The following RAD52 variants were observed in gnomAD, a reference collection of about 807,000 sequenced individuals.
The protein encoded by RAD52 is DNA repair protein RAD52 homolog.
Under a neutral mutation model 55.5 loss-of-function variants are expected in RAD52, and 47 were observed. The ratio of observed to expected loss-of-function variants is 0.85; its 90% CI spans 0.67 to 1.08. The LOEUF (loss-of-function observed/expected upper bound fraction) is 1.08, where lower values mean the gene tolerates loss of function less well. Among genes scored for constraint, RAD52 ranks in the 50% least tolerant of loss-of-function variants. The probability of loss-of-function intolerance (pLI) is 0.00; values close to 1 mark genes in which losing one functional copy is unlikely to be tolerated. For missense variants in RAD52, 468 were observed against 522.8 expected (o/e 0.90, Z 1.02); for synonymous variants, 184 against 198.9 (o/e 0.92, Z 0.63).
intron 1 of RAD52, among the ~76,000 whole-genome samples, chr12:971,456 A>G (rs968492824): frequency 6.6e-6 from 1 of 152,198 alleles, no homozygotes; most frequent in African/African-American, 2.4e-5. Flanking sequence ...AGCAGTGTGC[A>G]GAGCGGGGTT....
chr12:982,509 A>G (rs1484640136), intron 1 of RAD52, among the ~76,000 whole-genome samples: 1 of 152,188 alleles, frequency 6.6e-6, no homozygotes, highest in East Asian at 1.9e-4. Flanking sequence ...ACAAAACACT[A>G]GAACACCATT....
intron 1 of RAD52, among the ~76,000 whole-genome samples, chr12:961,586 G>A (rs756472804): frequency 6.6e-6 from 1 of 151,528 alleles, no homozygotes; most frequent in South Asian, 2.1e-4. Flanking sequence ...GGCTGGGCAC[G>A]GTGGTGGCTC....
At chr12:928,816 G>A (rs1370207187) in intron 5 of RAD52, among the ~76,000 whole-genome samples, 4 of 152,032 alleles carry the variant, frequency 2.6e-5, no homozygotes, top group African/African-American at 9.7e-5. Context: ...AGCCTTAAGT[G>A]CACTGAAAAT....
intron 1 of RAD52, among the ~76,000 whole-genome samples, chr12:938,966 T>G (rs1957773107): frequency 1.3e-5 from 2 of 152,034 alleles, no homozygotes. Context: ...GACAATGGCC[T>G]ATCACTAGAT....
At chr12:949,168 C>T (rs1349846340) in intron 1 of RAD52, among the ~76,000 whole-genome samples, 1 of 152,052 alleles carries the variant, frequency 6.6e-6, no homozygotes, top group Non-Finnish European at 1.5e-5. Context: ...AACATGGGGG[C>T]ATGCCGCCAC....
At chr12:973,384 T>C (rs1958894020) in intron 1 of RAD52, among the ~76,000 whole-genome samples, 1 of 152,012 alleles carries the variant, frequency 6.6e-6, no homozygotes. Context: ...TTTTAAATAA[T>C]ACAGGCAAGA....
At chr12:990,091 G>A (rs1959166866), upstream of RAD52, 3 of 152,242 alleles carry the variant, frequency 2.0e-5, no homozygotes, top group Admixed American at 2.0e-4. Context: ...GTAGAAACTG[G>A]TGAGTGAATG....
intron 1 of RAD52, among the ~76,000 whole-genome samples, chr12:983,482 T>C (rs996992853): frequency 6.7e-6 from 1 of 149,498 alleles, no homozygotes; most frequent in Non-Finnish European, 1.5e-5. Context: ...AATGGCGTGA[T>C]CTCAGCTCAC....
At chr12:938,857 G>A (rs1054579905) in intron 1 of RAD52, among the ~76,000 whole-genome samples, 5 of 152,066 alleles carry the variant, frequency 3.3e-5, no homozygotes, top group African/African-American at 9.7e-5. Context: ...AACCTCCTGG[G>A]CTCAGGTGAT....
At chr12:982,959 C>T (rs982768220) in intron 1 of RAD52, among the ~76,000 whole-genome samples, 8 of 152,100 alleles carry the variant, frequency 5.3e-5, no homozygotes, top group African/African-American at 9.7e-5. Context: ...AAGCGATTCT[C>T]TTGCCTCAGC....
At position 927,285 on chromosome 12, in the gene RAD52, G is replaced by A. The variant is rs759638496; in HGVS notation, c.349-22C>T. 5.1e-6 allele frequency: 8 copies of A among 1,563,066 alleles called. No homozygotes were observed. The South Asian group carries it at 7.8e-5, about 15-fold the overall frequency. ...CATCCTGGGGGCAGAAAAGGAGTTT[G>A]AACTCAAACACGAGAGCGGCAGGCG... On this transcript the variant is annotated intron_variant, in intron 5 of 11. Coordinates refer to ENST00000358495, the MANE Select transcript of RAD52 (RefSeq NM_134424.4).
intron 3 of RAD52, among the ~76,000 whole-genome samples, chr12:930,633 T>TA (rs145300226): frequency 0.083 from 12,055 of 144,838 alleles, 589 homozygotes; most frequent in Admixed American, 0.17. Context: ...AGTGTTTAAT[T>TA]AAAAAAAAAA....
chr12:957,718 A>G (rs975936900), intron 1 of RAD52, among the ~76,000 whole-genome samples: 15 of 152,300 alleles, frequency 9.8e-5, no homozygotes, highest in African/African-American at 3.1e-4. Context: ...TGAGCCCAGG[A>G]GGCGGAGGTT....
chr12:945,148 C>G (rs1361129282), intron 1 of RAD52, among the ~76,000 whole-genome samples: 1 of 152,020 alleles, frequency 6.6e-6, no homozygotes, highest in African/African-American at 2.4e-5. Context: ...GTCAGGAGTT[C>G]AAGACCAGCC....
At chr12:976,311 C>T (rs945745155) in intron 1 of RAD52, 1 of 152,288 alleles carries the variant, frequency 6.6e-6, no homozygotes, top group African/African-American at 2.4e-5. Context: ...CAGAGCAAGA[C>T]TCCTTCTCAA....
chr12:946,283 TG>T (rs1405177015), intron 1 of RAD52, among the ~76,000 whole-genome samples: 1 of 152,120 alleles, frequency 6.6e-6, no homozygotes, highest in African/African-American at 2.4e-5. Flanking sequence ...GCTGCAGAGA[TG>T]GAAAAATATC....
intron 1 of RAD52, among the ~76,000 whole-genome samples, chr12:939,151 T>C (rs1290895902): frequency 2.6e-5 from 4 of 151,550 alleles, no homozygotes; most frequent in African/African-American, 9.7e-5. Flanking sequence ...GTGAAGGATA[T>C]GCAGACATTA....
intron 1 of RAD52, among the ~76,000 whole-genome samples, chr12:964,374 C>A (rs954537816): frequency 3.3e-5 from 5 of 152,122 alleles, no homozygotes; most frequent in African/African-American, 1.2e-4. Context: ...TTGAGACCAG[C>A]CAGGCCAATG....
At chr12:926,846 G>A (rs1395275778) in intron 6 of RAD52, 2 of 1,536,734 alleles carry the variant, frequency 1.3e-6, no homozygotes, top group South Asian at 1.2e-5. Context: ...GGTGCTGTCT[G>A]TGCACTCGCA....
Sources: allele counts gnomAD v4.1 joint callset (sites outside exome capture counted in the v4.1 genomes callset), GRCh38; gene constraint gnomAD v4.1.1; transcripts MANE v1.5; gene names NCBI Gene and HGNC (gene_info 2026-07-23, HGNC 2026-07-21).